LOC400499: variants seen among roughly 807,000 people sequenced by gnomAD.
At chr16:11,449,032 C>T in the LOC400499 span, 12 of 1,515,246 alleles carry the variant, frequency 7.9e-6, no homozygotes, top group Non-Finnish European at 1.1e-5. Flanking sequence ...TCGCCCTGCA[C>T]TGCTGCGTTC....
At chr16:11,502,617 C>G in the LOC400499 span, among the ~76,000 whole-genome samples, 1 of 143,212 alleles carries the variant, frequency 7.0e-6, no homozygotes, top group Non-Finnish European at 1.5e-5. Context: ...TATACATACT[C>G]TTTTTTTTTT....
chr16:11,376,869 A>G, the LOC400499 span, among the ~76,000 whole-genome samples: 8 of 151,864 alleles, frequency 5.3e-5, no homozygotes, highest in Non-Finnish European at 7.4e-5. Flanking sequence ...GGGACTCTAC[A>G]TCCTGCCAAA....
At chr16:11,460,754 C>G in the LOC400499 span, 1 of 1,307,286 alleles carries the variant, frequency 7.6e-7, no homozygotes, top group Non-Finnish European at 1.0e-6. Flanking sequence ...TAGAACCTGT[C>G]GATGGGGAGG....
the LOC400499 span, chr16:11,461,181 C>T: frequency 6.8e-7 from 1 of 1,475,744 alleles, no homozygotes; most frequent in Non-Finnish European, 9.0e-7. Flanking sequence ...ACCCCCATCC[C>T]CAGGCAAAGA....
chr16:11,502,758 G>A, the LOC400499 span, among the ~76,000 whole-genome samples: 4 of 151,614 alleles, frequency 2.6e-5, no homozygotes, highest in Admixed American at 2.6e-4. Flanking sequence ...GGGATTACAG[G>A]CACCTGTGAC....
the LOC400499 span, among the ~76,000 whole-genome samples, chr16:11,503,924 G>C: frequency 6.6e-6 from 1 of 152,210 alleles, no homozygotes; most frequent in Non-Finnish European, 1.5e-5. Context: ...TTCCAGGCCT[G>C]CTTCCTTCCT....
the LOC400499 span, among the ~76,000 whole-genome samples, chr16:11,520,182 C>T: frequency 2.6e-5 from 4 of 152,044 alleles, no homozygotes; most frequent in Non-Finnish European, 5.9e-5. Context: ...GGTTGTACAA[C>T]GATGTGAAAG....
At chr16:11,405,300 T>C in the LOC400499 span, among the ~76,000 whole-genome samples, 3 of 152,326 alleles carry the variant, frequency 2.0e-5, no homozygotes, top group East Asian at 5.8e-4. Flanking sequence ...CTCAATCATG[T>C]AGCGAGCAGG....
chr16:11,447,901 G>C, the LOC400499 span: 2 of 1,518,742 alleles, frequency 1.3e-6, no homozygotes, highest in East Asian at 2.5e-5. Flanking sequence ...GAAACTTGCA[G>C]GGGTGTCAGC....
At chr16:11,416,344 A>T in the LOC400499 span, among the ~76,000 whole-genome samples, 1 of 152,028 alleles carries the variant, frequency 6.6e-6, no homozygotes, top group East Asian at 1.9e-4. Context: ...AGTCTCCATA[A>T]TCTATATGGG....
the LOC400499 span, among the ~76,000 whole-genome samples, chr16:11,484,317 A>G: frequency 6.6e-6 from 1 of 151,986 alleles, no homozygotes; most frequent in Non-Finnish European, 1.5e-5. Context: ...GCAGGAAGAG[A>G]TTATTAAGGA....
At chr16:11,441,499 T>C in the LOC400499 span, among the ~76,000 whole-genome samples, 4 of 152,206 alleles carry the variant, frequency 2.6e-5, no homozygotes, top group South Asian at 2.1e-4. Context: ...GAGTAACTCA[T>C]AGTGGAGCTG....
chr16:11,449,589 C>T, the LOC400499 span, among the ~76,000 whole-genome samples: 24,995 of 152,146 alleles, frequency 0.16, 4,558 homozygotes, highest in African/African-American at 0.41. Context: ...TCCCTGTTGG[C>T]CACCATCCCT....
chr16:11,435,755 C>T, the LOC400499 span: 4 of 399,330 alleles, frequency 1.0e-5, no homozygotes, highest in Non-Finnish European at 1.3e-5. Context: ...ACCCCAGCCC[C>T]GGCTGCTCCT....
chr16:11,415,855 G>C, the LOC400499 span, among the ~76,000 whole-genome samples: 2 of 152,098 alleles, frequency 1.3e-5, no homozygotes, highest in African/African-American at 2.4e-5. Context: ...AAACCCTGAG[G>C]TCAACTCAGA....
chr16:11,503,024 C>T, the LOC400499 span, among the ~76,000 whole-genome samples: 10 of 150,738 alleles, frequency 6.6e-5, no homozygotes, highest in Non-Finnish European at 1.0e-4. Flanking sequence ...TGGGCTCCAG[C>T]GATCCTCCCA....
chr16:11,435,033 A>G, the LOC400499 span, among the ~76,000 whole-genome samples: 1 of 152,208 alleles, frequency 6.6e-6, no homozygotes, highest in Admixed American at 6.5e-5. Context: ...GCTGGGCTGC[A>G]ATGCTGCAAT....
the LOC400499 span, among the ~76,000 whole-genome samples, chr16:11,452,897 G>C: frequency 1.1e-4 from 17 of 152,338 alleles, no homozygotes; most frequent in African/African-American, 3.8e-4. Flanking sequence ...TGGATCTCCA[G>C]TTACTCCAAA....
the LOC400499 span, among the ~76,000 whole-genome samples, chr16:11,503,344 C>T: frequency 6.6e-6 from 1 of 152,198 alleles, no homozygotes. Context: ...AGAGAACAGC[C>T]CCTGGGTTTA....
Sources: gnomAD v4.1 joint callset for allele counts (sites outside exome capture counted in the v4.1 genomes callset) on GRCh38, gnomAD v4.1.1 for gene constraint, MANE v1.5 for transcripts.